Variants in SLC4A5 observed in about 807,000 individuals in gnomAD.
The protein encoded by SLC4A5 is solute carrier family 4 member 5, also known as electrogenic sodium bicarbonate cotransporter 4.
SLC4A5 carries 96 observed loss-of-function variants against 120.4 expected under a neutral mutation model. The ratio of observed to expected loss-of-function variants is 0.80; its 90% CI spans 0.68 to 0.94. The LOEUF is 0.94. SLC4A5 is among the 40% of genes least tolerant of loss of function. The pLI is 0.00. For synonymous variants in SLC4A5, 550 were observed against 571.1 expected (o/e 0.96, Z 0.53); for missense variants, 1,259 against 1,459.5 (o/e 0.86, Z 2.24).
chr2:74,306,004 G>A (rs1030582883), intron 6 of SLC4A5, among the ~76,000 whole-genome samples: 6 of 152,086 alleles, frequency 3.9e-5, no homozygotes, highest in African/African-American at 1.4e-4. Flanking sequence ...TATTATAGGC[G>A]TGAGCCACCG....
chr2:74,229,259 T>TTG (rs558347757), intron 25 of SLC4A5, among the ~76,000 whole-genome samples: 48 of 145,540 alleles, frequency 3.3e-4, no homozygotes, highest in Non-Finnish European at 2.7e-4. Context: ...TTTTTTTTTT[T>TTG]GGGGGGGGCA....
At chr2:74,235,144 A>C (rs1252050982) in exon 22 of SLC4A5, 1 of 1,614,200 alleles carries the variant, frequency 6.2e-7, no homozygotes, top group Non-Finnish European at 8.5e-7. Flanking sequence ...TTCTAGGCCA[A>C]AACAGGCATC....
intron 7 of SLC4A5, chr2:74,290,367 C>CG (rs1386897140): frequency 7.7e-5 from 76 of 985,156 alleles, no homozygotes; most frequent in Non-Finnish European, 9.0e-5. Flanking sequence ...ACACAACAAA[C>CG]TCACTTTTGT....
intron 24 of SLC4A5, among the ~76,000 whole-genome samples, chr2:74,231,858 C>T (rs759641371): frequency 8.5e-5 from 13 of 152,146 alleles, no homozygotes; most frequent in African/African-American, 1.9e-4. Flanking sequence ...GCAGGCTGGG[C>T]GGTCCAAGTA....
At chr2:74,328,088 A>AAAG (rs1673261920) in intron 5 of SLC4A5, 32 bp downstream of exon 5, 7 of 980,706 alleles carry the variant, frequency 7.1e-6, no homozygotes, top group Admixed American at 6.2e-5. Context: ...AGCTCTGTCT[A>AAAG]CTTTCTCTGA....
chr2:74,280,431 G>A (rs1671777240), intron 8 of SLC4A5, among the ~76,000 whole-genome samples: 1 of 152,320 alleles, frequency 6.6e-6, no homozygotes, highest in African/African-American at 2.4e-5. Context: ...GAGAGCAGGG[G>A]CAGCATCTGC....
chr2:74,278,424 CCTGT>C (rs1328517739), intron 8 of SLC4A5, among the ~76,000 whole-genome samples: 2 of 152,150 alleles, frequency 1.3e-5, no homozygotes, highest in Non-Finnish European at 2.9e-5. Context: ...TTGTGCTTCC[CCTGT>C]CTGATTGCAG....
At chr2:74,269,894 T>A (rs1671419765) in intron 8 of SLC4A5, among the ~76,000 whole-genome samples, 1 of 152,184 alleles carries the variant, frequency 6.6e-6, no homozygotes, top group East Asian at 1.9e-4. Context: ...CTTTGAAACA[T>A]CCTCTACTAA....
At chr2:74,330,696 G>T (rs1386396846) in intron 4 of SLC4A5, among the ~76,000 whole-genome samples, 6 of 151,658 alleles carry the variant, frequency 4.0e-5, no homozygotes, top group African/African-American at 1.5e-4. Flanking sequence ...AGGTGTAGGT[G>T]GTGAGGTATA....
intron 4 of SLC4A5, 117 bp from the exon 5 acceptor site, chr2:74,328,303 G>T (rs958377330): frequency 6.3e-6 from 3 of 476,100 alleles, no homozygotes; most frequent in Non-Finnish European, 8.2e-6. Context: ...TGGGGGGAGG[G>T]ACGCTCCTGC....
At chr2:74,268,355 GC>G (rs2104069169) in intron 8 of SLC4A5, among the ~76,000 whole-genome samples, 1 of 152,258 alleles carries the variant, frequency 6.6e-6, no homozygotes, top group South Asian at 2.1e-4. Flanking sequence ...ATGCACATAT[GC>G]CTGTGTTTGC....
At chr2:74,296,034 T>C (rs961277551) in intron 7 of SLC4A5, among the ~76,000 whole-genome samples, 1 of 152,226 alleles carries the variant, frequency 6.6e-6, no homozygotes, top group South Asian at 2.1e-4. Flanking sequence ...AGGATTTTCA[T>C]TGGTTCACTT....
intron 8 of SLC4A5, among the ~76,000 whole-genome samples, chr2:74,282,539 C>G (rs1281825097): frequency 6.6e-6 from 1 of 152,244 alleles, no homozygotes; most frequent in Non-Finnish European, 1.5e-5. Flanking sequence ...CAGATGGTAA[C>G]TGCCAGACCC....
At chr2:74,221,700 G>T (rs575781202) in intron 29 of SLC4A5, among the ~76,000 whole-genome samples, 199 bp from the exon 30 acceptor site, 2 of 152,316 alleles carry the variant, frequency 1.3e-5, no homozygotes, top group South Asian at 2.1e-4. Flanking sequence ...GGGCTAGGGG[G>T]TGTGAGGCAT....
chr2:74,288,626 A>C (rs1672060852), intron 7 of SLC4A5, among the ~76,000 whole-genome samples: 1 of 151,934 alleles, frequency 6.6e-6, no homozygotes, highest in South Asian at 2.1e-4. Context: ...ATTCTGCTTC[A>C]TCTTGTTCTC....
At chr2:74,268,691 ATG>A (rs1671380209) in intron 8 of SLC4A5, among the ~76,000 whole-genome samples, 1 of 152,242 alleles carries the variant, frequency 6.6e-6, no homozygotes, top group African/African-American at 2.4e-5. Context: ...CAGAAAGCTT[ATG>A]TCAGTGCCCA....
At chr2:74,281,780 C>T (rs1424813416) in intron 8 of SLC4A5, among the ~76,000 whole-genome samples, 3 of 152,172 alleles carry the variant, frequency 2.0e-5, no homozygotes, top group Admixed American at 6.5e-5. Context: ...GAGATTTTCA[C>T]TCTGTTAATC....
At chr2:74,305,914 C>G (rs866308429) in intron 6 of SLC4A5, among the ~76,000 whole-genome samples, 9 of 152,106 alleles carry the variant, frequency 5.9e-5, no homozygotes, top group Middle Eastern at 3.4e-3. Flanking sequence ...TTAGTAGAAA[C>G]AGGGTTTCGC....
chr2:74,227,662 G>A lies in SLC4A5; in HGVS notation c.2916+148C>T, dbSNP rs1694895274. 3 of 1,155,026 alleles carry A rather than the reference G, an allele frequency of 2.6e-6. No individual in the cohort carries two copies. The Admixed American group carries it at 6.7e-5, about 26-fold the overall frequency. 71.5% of individuals were successfully genotyped at this position (1,155,026 alleles called of 1,614,324 possible). Reference sequence around the variant, plus strand: ...TTATTTTGCCTGATAGCATCAGTAAGTGGTAGTATCATTATTACTATTATT... The same window carrying A: ...TTATTTTGCCTGATAGCATCAGTAAATGGTAGTATCATTATTACTATTATT... On this transcript the variant is annotated intron_variant, in intron 26 of 30. Coordinates refer to ENST00000394019, the Ensembl canonical transcript of SLC4A5.
Sources: gnomAD v4.1 joint callset for allele counts (sites outside exome capture counted in the v4.1 genomes callset) on GRCh38, gnomAD v4.1.1 for gene constraint, MANE v1.5 for transcripts, NCBI Gene and HGNC (gene_info 2026-07-23, HGNC 2026-07-21) for gene names.